The following ATP9B variants were observed in gnomAD, a reference collection of about 807,000 sequenced individuals.
ATP9B encodes probable phospholipid-transporting ATPase IIB.
A neutral mutation model predicts 146.1 loss-of-function variants in ATP9B; 110 were observed. The observed-to-expected ratio is 0.75, with a 90% CI of 0.65 to 0.88. The LOEUF (loss-of-function observed/expected upper bound fraction) is 0.88. Among genes scored for constraint, ATP9B ranks in the 40% least tolerant of loss-of-function variants. The pLI, the probability that ATP9B is intolerant of heterozygous loss-of-function variation, is 0.00. For missense variants in ATP9B, 1,499 were observed against 1,496.4 expected (o/e 1.00, Z -0.03); for synonymous variants, 604 against 569.7 (o/e 1.06, Z -0.86).
At chr18:79,309,955 G>A (rs887395119) in intron 15 of ATP9B, among the ~76,000 whole-genome samples, 4 of 152,176 alleles carry the variant, frequency 2.6e-5, no homozygotes, top group Non-Finnish European at 4.4e-5. Flanking sequence ...CTTAGAAAGT[G>A]TTAGGAATAC....
chr18:79,181,945 T>C (rs1048810109), intron 8 of ATP9B, among the ~76,000 whole-genome samples: 3 of 152,216 alleles, frequency 2.0e-5, no homozygotes, highest in Middle Eastern at 3.2e-3. Flanking sequence ...CCTGCTTCTT[T>C]CCGTGTCTGG....
chr18:79,094,376 T>C (rs2074607485), intron 1 of ATP9B, among the ~76,000 whole-genome samples: 1 of 152,210 alleles, frequency 6.6e-6, no homozygotes, highest in African/African-American at 2.4e-5. Context: ...TTCTCAGCTT[T>C]ATGCTTTCTG....
At chr18:79,305,686 C>A (rs2096616828) in intron 14 of ATP9B, among the ~76,000 whole-genome samples, 2 of 152,134 alleles carry the variant, frequency 1.3e-5, no homozygotes, top group Admixed American at 1.3e-4. Flanking sequence ...GATGAAGCAT[C>A]ATTATATAAA....
chr18:79,113,122 C>T, intron 3 of ATP9B, 119 bp from the exon 4 acceptor site: 2 of 584,372 alleles, frequency 3.4e-6, no homozygotes, highest in South Asian at 4.9e-5. Context: ...TGAATCACAA[C>T]ATATTCTCAC....
intron 12 of ATP9B, 29 bp downstream of exon 12, chr18:79,253,570 T>C: frequency 6.5e-7 from 1 of 1,549,646 alleles, no homozygotes; most frequent in Non-Finnish European, 8.7e-7. Context: ...ATAAAACAAA[T>C]GTCTGGTTTC....
chr18:79,328,262 T>A (rs1163375414), intron 15 of ATP9B, among the ~76,000 whole-genome samples: 1 of 152,266 alleles, frequency 6.6e-6, no homozygotes. Context: ...CATACCCTAT[T>A]TATCTGATTA....
intron 9 of ATP9B, among the ~76,000 whole-genome samples, chr18:79,198,995 A>G (rs1281361381): frequency 6.6e-6 from 1 of 152,078 alleles, no homozygotes; most frequent in African/African-American, 2.4e-5. Flanking sequence ...TCTGTTGCCC[A>G]GGATGGAGTG....
intron 7 of ATP9B, among the ~76,000 whole-genome samples, chr18:79,170,550 T>C (rs1393258682): frequency 2.6e-5 from 4 of 152,262 alleles, no homozygotes; most frequent in Non-Finnish European, 5.9e-5. Flanking sequence ...TCTGGGTTTA[T>C]AATATGATTT....
At chr18:79,086,933 GTTAT>G (rs1430543852) in intron 1 of ATP9B, among the ~76,000 whole-genome samples, 2 of 152,044 alleles carry the variant, frequency 1.3e-5, no homozygotes, top group Admixed American at 6.6e-5. Context: ...TGTCTGCTGG[GTTAT>G]TTATTTATTT....
chr18:79,186,585 AT>A (rs1403642211), intron 8 of ATP9B, among the ~76,000 whole-genome samples: 1 of 152,184 alleles, frequency 6.6e-6, no homozygotes, highest in Non-Finnish European at 1.5e-5. Context: ...ATGATGAGTG[AT>A]TCTCAGACTT....
intron 20 of ATP9B, chr18:79,343,630 A>G (rs191240443): frequency 1.2e-4 from 18 of 152,686 alleles, no homozygotes; most frequent in African/African-American, 3.6e-4. Flanking sequence ...ATGAAAAGAG[A>G]TGTATTTACA....
At chr18:79,110,297 T>C (rs2075919291) in intron 2 of ATP9B, 58 bp from the exon 3 acceptor site, 1 of 1,456,014 alleles carries the variant, frequency 6.9e-7, no homozygotes, top group South Asian at 1.4e-5. Flanking sequence ...TACAATTAGT[T>C]TGAACTTTTT....
At chr18:79,185,188 C>T (rs997117760) in intron 8 of ATP9B, among the ~76,000 whole-genome samples, 3 of 152,032 alleles carry the variant, frequency 2.0e-5, no homozygotes, top group Non-Finnish European at 1.5e-5. Flanking sequence ...ACACATATAT[C>T]AAAACAAAAT....
intron 11 of ATP9B, among the ~76,000 whole-genome samples, chr18:79,225,175 A>AT (rs1259470317): frequency 1.3e-5 from 2 of 152,216 alleles, no homozygotes; most frequent in African/African-American, 4.8e-5. Context: ...TCATCTTTTC[A>AT]TACAGCTGAT....
At chr18:79,208,415 G>A (rs890776773) in intron 10 of ATP9B, among the ~76,000 whole-genome samples, 3 of 152,170 alleles carry the variant, frequency 2.0e-5, no homozygotes, top group South Asian at 2.1e-4. Context: ...ACAGTACCTT[G>A]AAGAAAAGGA....
intron 9 of ATP9B, among the ~76,000 whole-genome samples, chr18:79,201,730 C>T (rs2095490140): frequency 6.6e-6 from 1 of 152,034 alleles, no homozygotes; most frequent in Non-Finnish European, 1.5e-5. Flanking sequence ...CCACCAAGCC[C>T]AGCTAATTTT....
intron 7 of ATP9B, among the ~76,000 whole-genome samples, chr18:79,159,713 C>G (rs78078406): frequency 0.027 from 4,066 of 152,288 alleles, 199 homozygotes; most frequent in African/African-American, 0.093. Flanking sequence ...GCACACCTAT[C>G]TAGCTACCAT....
intron 26 of ATP9B, chr18:79,361,049 C>T (rs1360256002): frequency 2.0e-5 from 3 of 152,314 alleles, no homozygotes; most frequent in South Asian, 2.1e-4. Context: ...TTTTCATGTA[C>T]GAAGGTAAAC....
chr18:79,338,758 G>A (rs538653605), intron 19 of ATP9B, among the ~76,000 whole-genome samples: 4 of 152,178 alleles, frequency 2.6e-5, no homozygotes, highest in African/African-American at 9.7e-5. Flanking sequence ...CATTGAAGCC[G>A]AAAGGTCAAC....
Sources: gnomAD v4.1 joint callset for allele counts (sites outside exome capture counted in the v4.1 genomes callset) on GRCh38, gnomAD v4.1.1 for gene constraint, MANE v1.5 for transcripts, NCBI Gene and HGNC (gene_info 2026-07-23, HGNC 2026-07-21) for gene names.